The following CNTN3 variants were observed in gnomAD, a reference collection of about 807,000 sequenced individuals.
The protein encoded by CNTN3 is contactin 3, also known as contactin-3.
A neutral mutation model predicts 119.1 loss-of-function variants in CNTN3; 60 were observed. That is an observed-to-expected ratio of 0.50 (90% CI 0.41 to 0.62). The LOEUF is 0.62. Among genes scored for constraint, CNTN3 ranks in the 20% least tolerant of loss-of-function variants. CNTN3 has a pLI of 0.00. For synonymous variants in CNTN3, 450 were observed against 438.7 expected, an observed-to-expected ratio of 1.03 and a Z score of -0.32; for missense variants, 1,101 against 1,242.4, an observed-to-expected ratio of 0.89 and a Z score of 1.71.
chr3:74,549,877 G>A lies in CNTN3; in HGVS notation c.-80-28685C>T, dbSNP rs60025439. Among the ~76,000 whole-genome samples, 1,207 of 152,274 alleles carry A rather than the reference G, an allele frequency of 7.9e-3. 16 individuals carry two copies. The highest frequency in any genetic ancestry group is 0.028 in the African/African-American group (1,152 of 41,546). On this transcript the variant is annotated intron_variant, in intron 1 of 22. Transcript: ENST00000263665. The stretch of plus-strand genomic sequence containing the variant: ...TTCCAATGAGAGAATCACAGCATAC[G>A]CCCTCAGGGTCCTGGAACAGGCACA...
At chr3:74,522,606 A>G (rs1703559275) in intron 1 of CNTN3, among the ~76,000 whole-genome samples, 1 of 151,740 alleles carries the variant, frequency 6.6e-6, no homozygotes, top group Admixed American at 6.6e-5. Context: ...GCCTTCTAAC[A>G]CCATGGGTGA....
chr3:74,267,224 C>A, intron 21 of CNTN3, 42 bp downstream of exon 21: 1 of 1,287,580 alleles, frequency 7.8e-7, no homozygotes, highest in Non-Finnish European at 1.1e-6. Flanking sequence ...AAAAGTACTG[C>A]CAAAATTACG....
chr3:74,387,235 A>G (rs1382852708), intron 5 of CNTN3, among the ~76,000 whole-genome samples: 3 of 152,206 alleles, frequency 2.0e-5, no homozygotes, highest in Non-Finnish European at 4.4e-5. Context: ...ATACTATTAT[A>G]TATTAAAAAC....
chr3:74,338,678 G>C (rs893077514), intron 11 of CNTN3, among the ~76,000 whole-genome samples: 3 of 151,988 alleles, frequency 2.0e-5, no homozygotes, highest in Non-Finnish European at 2.9e-5. Context: ...ATTAGAGCTA[G>C]CACACAGGTT....
chr3:74,388,382 C>T (rs866181009), intron 5 of CNTN3, among the ~76,000 whole-genome samples: 4 of 151,958 alleles, frequency 2.6e-5, no homozygotes, highest in Non-Finnish European at 2.9e-5. Flanking sequence ...GCTTTCGAAT[C>T]ACTGATTTTA....
chr3:74,582,128 C>T (rs978191352), intron 1 of CNTN3, among the ~76,000 whole-genome samples: 1 of 152,194 alleles, frequency 6.6e-6, no homozygotes, highest in Admixed American at 6.5e-5. Context: ...TCATTTAGGC[C>T]AGGCATGGTG....
intron 13 of CNTN3, among the ~76,000 whole-genome samples, chr3:74,305,070 A>G (rs1418961751): frequency 6.6e-6 from 1 of 152,216 alleles, no homozygotes; most frequent in African/African-American, 2.4e-5. Context: ...AGATTCATTC[A>G]AGGACACAGA....
chr3:74,587,815 G>C (rs140789713), intron 1 of CNTN3, among the ~76,000 whole-genome samples: 2,769 of 152,218 alleles, frequency 0.018, 80 homozygotes, highest in African/African-American at 0.064. Context: ...GCCCTGGCCA[G>C]AACTTCCAAC....
chr3:74,497,145 T>G (rs1703080378), intron 3 of CNTN3, among the ~76,000 whole-genome samples: 1 of 151,984 alleles, frequency 6.6e-6, no homozygotes, highest in African/African-American at 2.4e-5. Context: ...TTTTCTGACT[T>G]CATGTAAAAA....
intron 13 of CNTN3, among the ~76,000 whole-genome samples, chr3:74,328,137 CTG>C (rs1703174196): frequency 6.6e-6 from 1 of 151,572 alleles, no homozygotes; most frequent in Non-Finnish European, 1.5e-5. Flanking sequence ...TCATATATTT[CTG>C]TTACTTCAAT....
intron 5 of CNTN3, among the ~76,000 whole-genome samples, chr3:74,399,317 C>G (rs1372355793): frequency 6.6e-6 from 1 of 151,976 alleles, no homozygotes; most frequent in Non-Finnish European, 1.5e-5. Flanking sequence ...CTGACAGGCC[C>G]CAGTGTGTGT....
At chr3:74,312,010 G>A (rs183096811) in intron 13 of CNTN3, among the ~76,000 whole-genome samples, 14 of 152,246 alleles carry the variant, frequency 9.2e-5, no homozygotes, top group African/African-American at 3.1e-4. Flanking sequence ...ATCATAGGGG[G>A]TGCTGCACAC....
At chr3:74,330,041 A>G (rs1575730645) in intron 13 of CNTN3, among the ~76,000 whole-genome samples, 1 of 152,260 alleles carries the variant, frequency 6.6e-6, no homozygotes, top group East Asian at 1.9e-4. Context: ...GACCACATAT[A>G]TGACAGTGGT....
intron 4 of CNTN3, among the ~76,000 whole-genome samples, chr3:74,453,927 C>T: frequency 6.6e-6 from 1 of 152,022 alleles, no homozygotes; most frequent in African/African-American, 2.4e-5. Context: ...AGCTTTACTT[C>T]CAAATATGTG....
chr3:74,585,805 T>C (rs1448027116), intron 1 of CNTN3, among the ~76,000 whole-genome samples: 4 of 152,158 alleles, frequency 2.6e-5, no homozygotes, highest in African/African-American at 9.6e-5. Flanking sequence ...AAAATGTATT[T>C]AATGTTGGAT....
Position 74,443,311 on chromosome 3 carries a change from T to C in CNTN3, c.359-18371A>G, listed in dbSNP as rs1013282696. Among the ~76,000 whole-genome samples the C allele has an allele frequency of 3.3e-5, 5 of 152,178 alleles. No individual in the cohort carries two copies. The East Asian group carries it at 7.7e-4, about 23-fold the overall frequency. ...GGATCCTTTCCATCTCACCACCTAC[T>C]TCCTGCTTCATTCCAGTGATGAGTA... On this transcript the variant is annotated intron_variant, in intron 4 of 22. Transcript: ENST00000263665.
intron 1 of CNTN3, among the ~76,000 whole-genome samples, chr3:74,544,190 GA>G (rs1287798862): frequency 2.0e-5 from 3 of 152,268 alleles, no homozygotes; most frequent in South Asian, 4.1e-4. Flanking sequence ...CACTGAAAGG[GA>G]AAAGGCATTA....
intron 8 of CNTN3, among the ~76,000 whole-genome samples, chr3:74,366,780 G>GTGTCTATATATA: frequency 1.6e-5 from 1 of 63,704 alleles, no homozygotes; most frequent in Admixed American, 1.9e-4. Flanking sequence ...GTGTGTGTGT[G>GTGTCTATATATA]TATATATATA....
intron 5 of CNTN3, among the ~76,000 whole-genome samples, chr3:74,397,719 C>CTGTGCAT (rs1705091926): frequency 6.6e-6 from 1 of 152,150 alleles, no homozygotes. Flanking sequence ...TCTGATTGAT[C>CTGTGCAT]TGTGCAAAGT....
Sources: gnomAD v4.1 joint callset for allele counts (sites outside exome capture counted in the v4.1 genomes callset) on GRCh38, gnomAD v4.1.1 for gene constraint, MANE v1.5 for transcripts, NCBI Gene and HGNC (gene_info 2026-07-23, HGNC 2026-07-21) for gene names.